The following GXYLT1 variants were observed in gnomAD, a reference collection of about 807,000 sequenced individuals.
The protein encoded by GXYLT1 is glycosyltransferase 8 domain containing 3.
A neutral mutation model predicts 54.0 loss-of-function variants in GXYLT1; 29 were observed. The observed-to-expected ratio is 0.54, with a 90% confidence interval of 0.40 to 0.73. GXYLT1 has a LOEUF of 0.73. Among genes scored for constraint, GXYLT1 ranks in the 30% least tolerant of loss-of-function variants. The pLI is 0.00. For missense variants in GXYLT1, 490 were observed against 553.4 expected (o/e 0.89, Z 1.15); for synonymous variants, 176 against 204.1 (o/e 0.86, Z 1.17).
intron 2 of GXYLT1, among the ~76,000 whole-genome samples, chr12:42,128,233 G>A (rs780560314): frequency 3.3e-5 from 5 of 152,038 alleles, no homozygotes; most frequent in East Asian, 1.9e-4. Flanking sequence ...TCAAAACTGC[G>A]AAGAGAATAG....
intron 7 of GXYLT1, among the ~76,000 whole-genome samples, chr12:42,096,899 A>G (rs2136879099): frequency 6.6e-6 from 1 of 152,102 alleles, no homozygotes; most frequent in East Asian, 1.9e-4. Context: ...CACCACCTAT[A>G]CAGAATTCTG....
chr12:42,115,107 A>G (rs1384670248), intron 3 of GXYLT1, among the ~76,000 whole-genome samples: 1 of 152,232 alleles, frequency 6.6e-6, no homozygotes, highest in Non-Finnish European at 1.5e-5. Flanking sequence ...CTCTCAATAA[A>G]TTAGGTATTG....
chr12:42,117,133 T>G (rs1207859611), intron 3 of GXYLT1, among the ~76,000 whole-genome samples: 10 of 117,092 alleles, frequency 8.5e-5, no homozygotes, highest in East Asian at 2.8e-4. Flanking sequence ...TGTTGTGGGG[T>G]TGGGGGAGGG....
chr12:42,126,915 C>T (rs1018893066), intron 2 of GXYLT1, among the ~76,000 whole-genome samples: 2 of 150,802 alleles, frequency 1.3e-5, no homozygotes, highest in Non-Finnish European at 3.0e-5. Context: ...GATTAGTCTA[C>T]ACCAGAATCA....
At chr12:42,120,403 T>G (rs952097783) in intron 2 of GXYLT1, among the ~76,000 whole-genome samples, 1 of 152,232 alleles carries the variant, frequency 6.6e-6, no homozygotes, top group Non-Finnish European at 1.5e-5. Flanking sequence ...CTAGTATGTC[T>G]TTAGAATCTA....
intron 2 of GXYLT1, among the ~76,000 whole-genome samples, chr12:42,123,029 G>T (rs987339680): frequency 1.6e-4 from 25 of 152,008 alleles, no homozygotes; most frequent in African/African-American, 5.8e-4. Flanking sequence ...GGGACATTCT[G>T]CAAAACAAAA....
rs139012378 is a variant in GXYLT1, at chr12:42,122,293, T to C, written c.315-3122A>G. On this transcript the variant is annotated intron_variant, in intron 2 of 7. Transcript: ENST00000398675. The stretch of plus-strand genomic sequence containing the variant: ...GTAATGAATGATAGTGTATTAAATT[T>C]ACAAAGTGAACCCTGGCCGGGCACG... 2.1e-3 allele frequency among the ~76,000 whole-genome samples: 321 copies of C among 152,252 alleles called. 2 individuals are homozygous for C. The highest frequency in any genetic ancestry group is 7.3e-3 in the African/African-American group (303 of 41,546).
chr12:42,142,548 G>A (rs985612200), intron 1 of GXYLT1, among the ~76,000 whole-genome samples: 3 of 151,612 alleles, frequency 2.0e-5, no homozygotes, highest in Non-Finnish European at 2.9e-5. Flanking sequence ...GGTTGTTGAC[G>A]AGGCTGGTGT....
Position 42,109,644 on chromosome 12 carries a change from G to C in GXYLT1, c.534C>G (p.Pro178=). ...CTGCATTCTCACTTGGAAAGGTTAT[G>C]GGGTATAACGTATAATTAAATGTTT... is the stretch of plus-strand genomic sequence containing the variant. The part of the protein sequence containing the change: ...FLQTFNYTLY[P]ITFPSENAAE... The change falls in exon 4 of 8, where the codon CCC becomes CCG. Residue 178 remains proline, a synonymous_variant. Transcript: ENST00000398675. 1 of 1,578,072 alleles carries C rather than the reference G, an allele frequency of 6.3e-7. No homozygotes were observed. Among genetic ancestry groups the C allele is most frequent in the Non-Finnish European group, 8.7e-7 (1 of 1,155,852 alleles).
At chr12:42,111,846 G>A (rs1171779265) in intron 3 of GXYLT1, among the ~76,000 whole-genome samples, 1 of 149,782 alleles carries the variant, frequency 6.7e-6, no homozygotes, top group Non-Finnish European at 1.5e-5. Flanking sequence ...TCCTCAAGTG[G>A]GGTCCCTGAA....
At chr12:42,104,999 C>T (rs562533802) in intron 5 of GXYLT1, among the ~76,000 whole-genome samples, 1 of 152,264 alleles carries the variant, frequency 6.6e-6, no homozygotes, top group Admixed American at 6.5e-5. Context: ...TTTAAATTAA[C>T]TTAGTTAAGT....
rs1481908341 is a variant in GXYLT1, at chr12:42,083,223, C to G, written c.*4563G>C. The stretch of plus-strand genomic sequence containing the variant: ...TCTGGTACCATTTTTAGACTTCTGT[C>G]TTTATATAATTTAGTTTGTAAAACC... On this transcript the variant is annotated 3_prime_UTR_variant, in exon 8 of 8. Coordinates refer to ENST00000398675, the MANE Select transcript of GXYLT1 (RefSeq NM_173601.2). 1.3e-5 allele frequency: 2 copies of G among 151,818 alleles called. No individual in the cohort carries two copies. The highest frequency in any genetic ancestry group is 2.9e-5 in the Non-Finnish European group (2 of 67,948). 9.4% of individuals were successfully genotyped at this position (151,818 alleles called of 1,614,324 possible). A position where few individuals can be genotyped will look rare whatever the true frequency, so the allele number is the denominator to read the frequency against.
intron 4 of GXYLT1, among the ~76,000 whole-genome samples, chr12:42,108,196 G>C (rs1037051134): frequency 2.0e-5 from 3 of 152,168 alleles, no homozygotes; most frequent in African/African-American, 7.2e-5. Context: ...CAAATTTCAT[G>C]TAACAACATC....
chr12:42,118,286 C>T (rs1047396819), intron 3 of GXYLT1, among the ~76,000 whole-genome samples: 4 of 152,124 alleles, frequency 2.6e-5, no homozygotes, highest in African/African-American at 4.8e-5. Flanking sequence ...AGGATTAAAA[C>T]CTTTATATAA....
At chr12:42,091,577 T>C (rs1268303968) in intron 7 of GXYLT1, among the ~76,000 whole-genome samples, 2 of 152,216 alleles carry the variant, frequency 1.3e-5, no homozygotes, top group Non-Finnish European at 2.9e-5. Flanking sequence ...TATTAATTTC[T>C]GAAGGCATAC....
intron 7 of GXYLT1, among the ~76,000 whole-genome samples, chr12:42,089,097 C>T (rs2065314288): frequency 6.6e-6 from 1 of 151,818 alleles, no homozygotes; most frequent in African/African-American, 2.4e-5. Context: ...AAATCAATCA[C>T]ACATACTCAA....
In GXYLT1 at chr12:42,109,702, T is replaced by G; in HGVS notation, c.487-11A>C. 3 of 1,312,722 alleles carry G rather than the reference T, an allele frequency of 2.3e-6. No homozygotes were observed. The highest frequency in any genetic ancestry group is 3.1e-6 in the Non-Finnish European group (3 of 959,828). The allele number at this position is 1,312,722 out of a possible 1,614,324, so 81.3% of individuals were successfully genotyped here. ...TGACCAGTTGTCAAGCTAAAACAATTTAAAAAAAAACTGTTTAGTTTCACT... is the reference window on the plus strand; with the variant it reads ...TGACCAGTTGTCAAGCTAAAACAATGTAAAAAAAAACTGTTTAGTTTCACT... On this transcript the variant is annotated splice_polypyrimidine_tract_variant and intron_variant, in intron 3 of 7. Coordinates refer to ENST00000398675, the MANE Select transcript of GXYLT1 (RefSeq NM_173601.2).
At chr12:42,094,892 T>TA (rs1348503832) in intron 7 of GXYLT1, among the ~76,000 whole-genome samples, 4 of 152,136 alleles carry the variant, frequency 2.6e-5, no homozygotes, top group Admixed American at 2.6e-4. Flanking sequence ...GCAAACATGC[T>TA]AAAAGCTACT....
chr12:42,089,970 TA>T (rs1477081651), intron 7 of GXYLT1, among the ~76,000 whole-genome samples: 10 of 152,344 alleles, frequency 6.6e-5, no homozygotes, highest in African/African-American at 2.4e-4. Context: ...TTATTTTTAC[TA>T]TATGACAATA....
Sources: allele counts gnomAD v4.1 joint callset (sites outside exome capture counted in the v4.1 genomes callset), GRCh38; gene constraint gnomAD v4.1.1; transcripts MANE v1.5; gene names NCBI Gene and HGNC (gene_info 2026-07-23, HGNC 2026-07-21).